OPCML: variants seen among roughly 807,000 people sequenced by gnomAD.
OPCML encodes opioid-binding protein/cell adhesion molecule.
Under a neutral mutation model 37.8 loss-of-function variants are expected in OPCML, and 13 were observed. That is an observed-to-expected ratio of 0.34 (90% CI 0.22 to 0.55). OPCML has a LOEUF of 0.55. Ranked by LOEUF, OPCML falls within the 20% of genes least tolerant of loss-of-function variation. The pLI, the probability that OPCML is intolerant of heterozygous loss-of-function variation, is 0.91. For missense variants in OPCML, 341 were observed against 435.6 expected (o/e 0.78, Z 1.93); for synonymous variants, 176 against 168.8 (o/e 1.04, Z -0.33).
intron 2 of OPCML, among the ~76,000 whole-genome samples, chr11:132,869,519 T>TA (rs77090401): frequency 0.041 from 6,167 of 151,246 alleles, 203 homozygotes; most frequent in South Asian, 0.17. Flanking sequence ...CACAAATGGT[T>TA]AAAAAAAAAT....
At chr11:133,296,578 AT>A (rs1565556135) in intron 1 of OPCML, among the ~76,000 whole-genome samples, 1 of 152,202 alleles carries the variant, frequency 6.6e-6, no homozygotes, top group East Asian at 1.9e-4. Context: ...TGCATCACCC[AT>A]TGTCCCTCTG....
chr11:132,791,839 C>T (rs748710705), intron 2 of OPCML, among the ~76,000 whole-genome samples: 5 of 152,116 alleles, frequency 3.3e-5, no homozygotes, highest in Admixed American at 1.3e-4. Flanking sequence ...TCCCAGGTTG[C>T]GGTTTTGACT....
intron 1 of OPCML, among the ~76,000 whole-genome samples, chr11:133,156,236 G>T (rs1950060562): frequency 6.6e-6 from 1 of 152,144 alleles, no homozygotes; most frequent in Admixed American, 6.6e-5. Flanking sequence ...GCTATAGAAT[G>T]ACTGCCCCCT....
At chr11:133,163,568 T>A (rs1489324663) in intron 1 of OPCML, among the ~76,000 whole-genome samples, 2 of 152,206 alleles carry the variant, frequency 1.3e-5, no homozygotes, top group African/African-American at 4.8e-5. Flanking sequence ...TTGAATGAAT[T>A]TCTTCCTGAC....
At chr11:133,380,335 G>C (rs1196198257) in intron 1 of OPCML, among the ~76,000 whole-genome samples, 1 of 152,166 alleles carries the variant, frequency 6.6e-6, no homozygotes, top group Admixed American at 6.5e-5. Flanking sequence ...AGTTTTGAAA[G>C]GAGTACTGGG....
chr11:132,766,904 G>A (rs966920442), intron 2 of OPCML, among the ~76,000 whole-genome samples: 1 of 152,198 alleles, frequency 6.6e-6, no homozygotes, highest in Non-Finnish European at 1.5e-5. Flanking sequence ...GTAATTGTAA[G>A]AGAATATCTT....
chr11:132,502,039 A>G (rs1223694073), intron 4 of OPCML, among the ~76,000 whole-genome samples: 1 of 152,240 alleles, frequency 6.6e-6, no homozygotes. Context: ...AAGTGGATAG[A>G]TACTCAAGAC....
intron 1 of OPCML, among the ~76,000 whole-genome samples, chr11:133,521,732 G>T (rs1948401972): frequency 6.6e-6 from 1 of 152,232 alleles, no homozygotes. Context: ...AAGCTGATGG[G>T]CTATTTCCAT....
At position 132,437,371 on chromosome 11, in the gene OPCML, G is replaced by A; in HGVS notation, c.506-12C>T. 1.2e-6 allele frequency: 2 copies of A among 1,613,500 alleles called. No homozygotes were observed. Among genetic ancestry groups the A allele is most frequent in the South Asian group, 1.1e-5 (1 of 90,892 alleles). On this transcript the variant is annotated splice_polypyrimidine_tract_variant and intron_variant, in intron 4 of 7. Coordinates refer to ENST00000524381, the MANE Select transcript of OPCML (RefSeq NM_001012393.5). The stretch of plus-strand genomic sequence containing the variant: ...AAAGCCCTGGCCTTCTGGGAAGAAA[G>A]AAGCAGACAGGAAACAATCAGGAAA...
intron 1 of OPCML, among the ~76,000 whole-genome samples, chr11:132,967,532 TA>T (rs1379762505): frequency 1.3e-5 from 2 of 152,260 alleles, no homozygotes; most frequent in East Asian, 3.9e-4. Flanking sequence ...GTTATTTCAT[TA>T]CTCTAATAAA....
At chr11:133,480,546 C>A (rs78554409) in intron 1 of OPCML, among the ~76,000 whole-genome samples, 5,598 of 152,300 alleles carry the variant, frequency 0.037, 241 homozygotes, top group African/African-American at 0.097. Flanking sequence ...GAGACTTGAA[C>A]TATGCCCTCA....
intron 1 of OPCML, among the ~76,000 whole-genome samples, chr11:132,944,372 G>A (rs1314770498): frequency 6.6e-6 from 1 of 152,142 alleles, no homozygotes; most frequent in Non-Finnish European, 1.5e-5. Context: ...CGTGTCCATC[G>A]CGCTGCGAAC....
intron 1 of OPCML, among the ~76,000 whole-genome samples, chr11:133,265,699 T>G (rs1385270456): frequency 6.6e-6 from 1 of 152,152 alleles, no homozygotes; most frequent in East Asian, 1.9e-4. Flanking sequence ...TGAAGATGTG[T>G]CTGAAGGAGT....
At chr11:132,655,837 A>G (rs1007410347) in intron 3 of OPCML, among the ~76,000 whole-genome samples, 1 of 151,538 alleles carries the variant, frequency 6.6e-6, no homozygotes, top group African/African-American at 2.4e-5. Context: ...CTAGGAAACC[A>G]ATTGAAATGA....
intron 1 of OPCML, among the ~76,000 whole-genome samples, chr11:133,217,694 T>C (rs1349807): frequency 0.17 from 25,431 of 152,162 alleles, 2,131 homozygotes; most frequent in Middle Eastern, 0.24. Flanking sequence ...CTGGGATTTC[T>C]GGCAGAGGTT....
intron 2 of OPCML, among the ~76,000 whole-genome samples, chr11:132,831,486 A>T (rs539784448): frequency 1.3e-5 from 2 of 152,148 alleles, no homozygotes; most frequent in South Asian, 4.2e-4. Context: ...TTGTAGGTGA[A>T]TCAGTCTTGC....
intron 2 of OPCML, among the ~76,000 whole-genome samples, chr11:132,700,661 T>C (rs1454598010): frequency 6.6e-6 from 1 of 152,330 alleles, no homozygotes; most frequent in East Asian, 1.9e-4. Flanking sequence ...GATAGAATTT[T>C]AAACTTCTTA....
chr11:133,514,172 T>C lies in OPCML; in HGVS notation c.61+18092A>G, dbSNP rs56252882. ...GACCTTGGAGCTACAGCATTGTCAG[T>C]GTTTGCAGTAGGGATCATGAGAGGC... On this transcript the variant is annotated intron_variant, in intron 1 of 7. Transcript: ENST00000524381. Among the ~76,000 whole-genome samples, 582 of 152,284 alleles carry C rather than the reference T, an allele frequency of 3.8e-3. 2 individuals are homozygous for C. The highest frequency in any genetic ancestry group is 0.02 in the Middle Eastern group (6 of 294).
At chr11:133,215,651 T>G (rs912160181) in intron 1 of OPCML, among the ~76,000 whole-genome samples, 10 of 152,254 alleles carry the variant, frequency 6.6e-5, no homozygotes, top group African/African-American at 2.4e-4. Context: ...GCAGACCTTG[T>G]TGGCAGGGGC....
Sources: gnomAD v4.1 joint callset for allele counts (sites outside exome capture counted in the v4.1 genomes callset) on GRCh38, gnomAD v4.1.1 for gene constraint, MANE v1.5 for transcripts, NCBI Gene and HGNC (gene_info 2026-07-23, HGNC 2026-07-21) for gene names.